The following BCL3 variants were observed in gnomAD, a reference collection of about 807,000 sequenced individuals.
The protein encoded by BCL3 is B-cell lymphoma 3 protein.
BCL3 carries 15 observed loss-of-function variants against 35.7 expected under a neutral mutation model. The observed-to-expected ratio is 0.42, with a 90% CI of 0.28 to 0.65. BCL3 has a LOEUF of 0.65. Ranked by LOEUF, BCL3 falls within the 30% of genes least tolerant of loss-of-function variation. BCL3 has a pLI of 0.22. For missense variants in BCL3, 565 were observed against 641.7 expected (o/e 0.88, Z 1.29); for synonymous variants, 311 against 284.3 (o/e 1.09, Z -0.95).
chr19:44,749,777 G>T (rs73936957), intron 1 of BCL3, among the ~76,000 whole-genome samples: 5,574 of 152,214 alleles, frequency 0.037, 179 homozygotes, highest in African/African-American at 0.083. Flanking sequence ...GGGCAGAAGG[G>T]ATCAGGGGAC....
intron 7 of BCL3, 129 bp from the exon 8 acceptor site, chr19:44,758,595 A>G (rs1183575083): frequency 7.9e-7 from 1 of 1,263,250 alleles, no homozygotes; most frequent in Admixed American, 2.2e-5. Context: ...ACCAAGAAAA[A>G]AAGTGCCTTG....
In BCL3 at chr19:44,759,540, C is replaced by A. The variant is rs753444473; in HGVS notation, c.1290C>A (p.Ala430=). 1 of 1,613,440 alleles carries A rather than the reference C, an allele frequency of 6.2e-7. No individual in the cohort carries two copies. The highest frequency in any genetic ancestry group is 8.5e-7 in the Non-Finnish European group (1 of 1,179,856). ...NFFLPSPSPP[A]FLPFAGVLRG... ...TCCTTCCTTCCCCATCTCCACCCGC[C>A]TTCCTGCCCTTTGCTGGGGTCCTCC... The change falls in exon 9 of 9, where the codon GCC becomes GCA. Residue 430 remains alanine, a synonymous_variant. Coordinates refer to ENST00000164227, the MANE Select transcript of BCL3 (RefSeq NM_005178.5).
At chr19:44,749,275 T>G (rs1599836412) in intron 1 of BCL3, among the ~76,000 whole-genome samples, 2 of 55,804 alleles carry the variant, frequency 3.6e-5, no homozygotes, top group African/African-American at 7.2e-5. Flanking sequence ...GCCCAGGGGC[T>G]GAGTGACGTG....
rs778852971 is a variant in BCL3, at chr19:44,758,236, C to G, written c.892-10C>G. 146 of 1,475,150 alleles carry G rather than the reference C, an allele frequency of 9.9e-5. No homozygotes were observed. Among genetic ancestry groups the G allele is most frequent in the Non-Finnish European group, 1.1e-4 (129 of 1,123,224 alleles). 91.4% of individuals were successfully genotyped at this position (1,475,150 alleles called of 1,614,324 possible). ...GCGCGCCCTCCTGACCCGGCCCTCCCGTCCCGCAGCACGGCGCCAACGTGA... is the reference window on the plus strand; with the variant it reads ...GCGCGCCCTCCTGACCCGGCCCTCCGGTCCCGCAGCACGGCGCCAACGTGA... On this transcript the variant is annotated splice_polypyrimidine_tract_variant and intron_variant, in intron 6 of 8. Transcript: ENST00000164227.
Position 44,758,823 on chromosome 19 carries a change from A to T in BCL3, c.1159A>T (p.Ser387Cys). The change falls in exon 8 of 9, where the codon AGC becomes TGC. Residue 387 changes from serine to cysteine, a missense_variant. Around this residue, in one of 5 missense-constraint regions of BCL3, gnomAD observed 151 missense variants for 138.1 expected, o/e 1.09. Coordinates refer to ENST00000164227, the MANE Select transcript of BCL3 (RefSeq NM_005178.5). ...RSANTSPESS[S>C]RLSSNGLLSA... ...CGCCAACACCTCCCCCGAGAGCAGC[A>T]GCCGCCTCAGCTCCAATGGTGAGAA... 6.2e-7 allele frequency: 1 copy of T among 1,600,340 alleles called. No individual in the cohort carries two copies.
intron 2 of BCL3, among the ~76,000 whole-genome samples, chr19:44,751,997 T>C (rs547220491): frequency 4.6e-5 from 7 of 152,242 alleles, no homozygotes; most frequent in African/African-American, 1.7e-4. Flanking sequence ...ATATGAATTA[T>C]ACATGTAAAA....
intron 2 of BCL3, 62 bp from the exon 3 acceptor site, chr19:44,756,170 G>T: frequency 8.5e-7 from 1 of 1,177,378 alleles, no homozygotes. Flanking sequence ...ATTGCCAACA[G>T]CATGAGGGTG....
intron 6 of BCL3, 139 bp from the exon 7 acceptor site, chr19:44,758,107 C>A: frequency 1.1e-6 from 1 of 915,116 alleles, no homozygotes; most frequent in Non-Finnish European, 1.5e-6. Context: ...CTGCCCTTGG[C>A]TCTCGCTCCT....
Position 44,757,568 on chromosome 19 carries a change from T to C in BCL3, c.814-78T>C. ...CAAGAGAGAGGCTGGACCCCGCGAA[T>C]GGGATGTGGACGGGATGCGGGTCGC... On this transcript the variant is annotated intron_variant, in intron 5 of 8. Coordinates refer to ENST00000164227, the MANE Select transcript of BCL3 (RefSeq NM_005178.5). This position sits in a 1 kb window ranked among gnomAD's most constrained non-coding sequence, Gnocchi z 8.4. 2 of 1,561,686 alleles carry C rather than the reference T, an allele frequency of 1.3e-6. No homozygotes were observed. Among genetic ancestry groups the C allele is most frequent in the Admixed American group, 1.7e-5 (1 of 59,252 alleles).
intron 2 of BCL3, among the ~76,000 whole-genome samples, chr19:44,754,348 C>T (rs1967241071): frequency 6.6e-6 from 1 of 152,172 alleles, no homozygotes; most frequent in Non-Finnish European, 1.5e-5. Context: ...TACACACACA[C>T]ACCTCAAGGG....
At chr19:44,759,337 T>G (rs1223644361) in intron 8 of BCL3, 91 bp from the exon 9 acceptor site, 406 of 284,930 alleles carry the variant, frequency 1.4e-3, no homozygotes, top group East Asian at 3.7e-3. Context: ...CCCCAGCCCC[T>G]CCTCCCTCAG....
intron 2 of BCL3, among the ~76,000 whole-genome samples, chr19:44,753,622 A>G (rs1967223553): frequency 6.6e-6 from 1 of 151,838 alleles, no homozygotes; most frequent in Non-Finnish European, 1.5e-5. Context: ...AGCCTGCGCC[A>G]CCGGCTCCTC....
At chr19:44,756,586 G>T (rs539717587) in intron 3 of BCL3, among the ~76,000 whole-genome samples, 1 of 141,054 alleles carries the variant, frequency 7.1e-6, no homozygotes, top group East Asian at 2.1e-4. Context: ...GAGGGCTGGG[G>T]ATCTGGACTC....
At chr19:44,748,457 T>C (rs1187860777), upstream of BCL3, 4 of 148,552 alleles carry the variant, frequency 2.7e-5, no homozygotes, top group Non-Finnish European at 4.5e-5. Context: ...CCGCCTCCTC[T>C]CCCCCCACCC....
rs1036713493 is a variant in BCL3 at position 44,759,717 on chromosome 19, C to A, written c.*102C>A. 16 of 634,508 alleles carry A rather than the reference C, an allele frequency of 2.5e-5. No individual in the cohort carries two copies. Among genetic ancestry groups the A allele is most frequent in the Non-Finnish European group, 4.1e-5 (16 of 389,392 alleles). The allele number at this position is 634,508 out of a possible 1,614,324, so 39.3% of individuals were successfully genotyped here. A position where few individuals can be genotyped will look rare whatever the true frequency, so the allele number is the denominator to read the frequency against. ...TGAAGATCTCACTCTGCCCCCCCCCCCCATCTTCGGGACCAGGATTTGCAC... is the reference window on the plus strand; with the variant it reads ...TGAAGATCTCACTCTGCCCCCCCCCACCATCTTCGGGACCAGGATTTGCAC... On this transcript the variant is annotated 3_prime_UTR_variant, in exon 9 of 9. Coordinates refer to ENST00000164227, the MANE Select transcript of BCL3 (RefSeq NM_005178.5).
At chr19:44,748,575 C>G (rs551873917), upstream of BCL3, 1,611 of 425,918 alleles carry the variant, frequency 3.8e-3, 8 homozygotes, top group Admixed American at 3.5e-3. Flanking sequence ...GGCTGCACCT[C>G]AGAGCGGCGG....
intron 2 of BCL3, among the ~76,000 whole-genome samples, chr19:44,754,540 G>A (rs1200841795): frequency 1.3e-5 from 2 of 151,212 alleles, no homozygotes; most frequent in African/African-American, 4.9e-5. Context: ...CGCCCCTCCC[G>A]TCCCCACTTC....
Position 44,759,846 on chromosome 19 carries a change from C to T in BCL3, c.*231C>T, listed in dbSNP as rs1346189079. 2.4e-5 allele frequency: 11 copies of T among 459,354 alleles called. No homozygotes were observed. The highest frequency in any genetic ancestry group is 4.4e-5 in the Admixed American group (1 of 22,832). The allele number at this position is 459,354 out of a possible 1,614,324, so 28.5% of individuals were successfully genotyped here. A position where few individuals can be genotyped will look rare whatever the true frequency, so the allele number is the denominator to read the frequency against. Reference sequence around the variant, plus strand: ...ACCCCAGCATTCTCAGGCACCAGTCCCTGTCCGGAATGCCACCCACATCTT... The same window carrying T: ...ACCCCAGCATTCTCAGGCACCAGTCTCTGTCCGGAATGCCACCCACATCTT... On this transcript the variant is annotated 3_prime_UTR_variant, in exon 9 of 9. Transcript: ENST00000164227.
intron 7 of BCL3, 127 bp downstream of exon 7, chr19:44,758,540 C>T: frequency 7.3e-7 from 1 of 1,365,890 alleles, no homozygotes. Flanking sequence ...GTGGGTGAGC[C>T]TCTGAAAGCG....
Sources: allele counts gnomAD v4.1 joint callset (sites outside exome capture counted in the v4.1 genomes callset), GRCh38; gene constraint gnomAD v4.1.1; regional missense constraint gnomAD v4.1.1; non-coding constraint Gnocchi (gnomAD v3.1); transcripts MANE v1.5; gene names NCBI Gene and HGNC (gene_info 2026-07-23, HGNC 2026-07-21).